BANK1: variants seen among roughly 807,000 people sequenced by gnomAD.
BANK1 encodes B-cell scaffold protein with ankyrin repeats.
Under a neutral mutation model 94.5 loss-of-function variants are expected in BANK1, and 95 were observed. That is an observed-to-expected ratio of 1.00 (90% CI 0.85 to 1.19). BANK1 has a LOEUF of 1.19. Ranked by LOEUF, BANK1 falls within the 50% of genes most tolerant of loss-of-function variation. The pLI is 0.00. For synonymous variants in BANK1, 334 were observed against 308.4 expected (o/e 1.08, Z -0.87); for missense variants, 987 against 932.2 (o/e 1.06, Z -0.77).
At chr4:102,039,433 A>G (rs987252186) in intron 10 of BANK1, among the ~76,000 whole-genome samples, 1 of 152,058 alleles carries the variant, frequency 6.6e-6, no homozygotes, top group African/African-American at 2.4e-5. Flanking sequence ...TGTTTCCTGT[A>G]TTTGCTGGCT....
intron 6 of BANK1, among the ~76,000 whole-genome samples, chr4:101,900,771 T>G (rs1020636331): frequency 6.6e-6 from 1 of 152,210 alleles, no homozygotes; most frequent in Non-Finnish European, 1.5e-5. Context: ...GCTATGTTAA[T>G]TAAAAGATAA....
At chr4:101,948,578 T>G (rs947975500) in intron 7 of BANK1, among the ~76,000 whole-genome samples, 5 of 152,118 alleles carry the variant, frequency 3.3e-5, no homozygotes, top group African/African-American at 1.2e-4. Flanking sequence ...TTTTATATTT[T>G]CTCCCCACCC....
chr4:102,047,531 C>T (rs1362742443), intron 11 of BANK1, among the ~76,000 whole-genome samples: 1 of 152,072 alleles, frequency 6.6e-6, no homozygotes, highest in Non-Finnish European at 1.5e-5. Context: ...AGGATCAGAA[C>T]AGCTACGAAA....
At chr4:101,928,202 G>A (rs572534778) in intron 7 of BANK1, among the ~76,000 whole-genome samples, 2 of 151,640 alleles carry the variant, frequency 1.3e-5, no homozygotes, top group South Asian at 4.2e-4. Flanking sequence ...GATACTTTGG[G>A]GACAATTCTG....
intron 5 of BANK1, among the ~76,000 whole-genome samples, chr4:101,884,310 C>G (rs1307225519): frequency 6.6e-6 from 1 of 152,138 alleles, no homozygotes; most frequent in Non-Finnish European, 1.5e-5. Flanking sequence ...CTTGAGTTTT[C>G]AGCAGCAATT....
chr4:101,890,752 A>AT (rs565207577), intron 5 of BANK1, among the ~76,000 whole-genome samples: 84 of 132,904 alleles, frequency 6.3e-4, no homozygotes, highest in African/African-American at 1.2e-3. Context: ...TGTGTTACTT[A>AT]TTTTTTTTTT....
At chr4:101,797,725 G>A (rs969920296) in intron 1 of BANK1, among the ~76,000 whole-genome samples, 1 of 152,144 alleles carries the variant, frequency 6.6e-6, no homozygotes, top group African/African-American at 2.4e-5. Flanking sequence ...GACACCGGGA[G>A]GGCATGAGAG....
At chr4:102,049,997 G>A (rs1727995158) in intron 11 of BANK1, among the ~76,000 whole-genome samples, 1 of 152,152 alleles carries the variant, frequency 6.6e-6, no homozygotes, top group Non-Finnish European at 1.5e-5. Flanking sequence ...CCCACCCCAA[G>A]GAAAAACCAA....
intron 5 of BANK1, among the ~76,000 whole-genome samples, chr4:101,890,779 A>G (rs987573208): frequency 2.8e-5 from 4 of 143,476 alleles, no homozygotes; most frequent in African/African-American, 1.0e-4. Context: ...ATTCACTTTG[A>G]TGTATCTCTT....
At chr4:101,921,391 G>A (rs1722991789) in intron 7 of BANK1, among the ~76,000 whole-genome samples, 2 of 151,884 alleles carry the variant, frequency 1.3e-5, no homozygotes, top group Admixed American at 1.3e-4. Flanking sequence ...AGTAAATAGT[G>A]ACATTGATGA....
chr4:101,827,900 T>G (rs1220860861), intron 1 of BANK1, among the ~76,000 whole-genome samples: 1 of 151,954 alleles, frequency 6.6e-6, no homozygotes, highest in Non-Finnish European at 1.5e-5. Flanking sequence ...ATTTCTTGAT[T>G]TACTAATTTT....
intron 7 of BANK1, among the ~76,000 whole-genome samples, chr4:101,958,454 G>T (rs1724444155): frequency 7.5e-6 from 1 of 133,492 alleles, no homozygotes; most frequent in Non-Finnish European, 1.6e-5. Flanking sequence ...TTTGCAGACT[G>T]CCCCCCATGC....
intron 1 of BANK1, 40 bp downstream of exon 1, chr4:101,790,990 CGGG>C: frequency 6.9e-7 from 1 of 1,440,286 alleles, no homozygotes; most frequent in Non-Finnish European, 9.2e-7. Context: ...ACGCCGAGGC[CGGG>C]CTACGGGGCT....
intron 1 of BANK1, among the ~76,000 whole-genome samples, chr4:101,822,384 T>G (rs1188357933): frequency 6.6e-6 from 1 of 151,668 alleles, no homozygotes; most frequent in Non-Finnish European, 1.5e-5. Context: ...AAAAAGGCAC[T>G]TAAGAGACTG....
intron 11 of BANK1, among the ~76,000 whole-genome samples, chr4:102,047,085 T>C (rs1727902213): frequency 6.6e-6 from 1 of 152,176 alleles, no homozygotes; most frequent in African/African-American, 2.4e-5. Flanking sequence ...ATTGTGAAGA[T>C]GGCTGGGAAT....
At chr4:101,803,930 G>A (rs1379364428) in intron 1 of BANK1, among the ~76,000 whole-genome samples, 1 of 142,510 alleles carries the variant, frequency 7.0e-6, no homozygotes, top group East Asian at 2.0e-4. Flanking sequence ...CCCGGGAAGC[G>A]GAGCTTGCAG....
chr4:101,842,355 C>T (rs1727079805), intron 2 of BANK1, among the ~76,000 whole-genome samples: 2 of 152,152 alleles, frequency 1.3e-5, no homozygotes, highest in Admixed American at 1.3e-4. Flanking sequence ...AAATTAATTT[C>T]TAACATTCAT....
intron 1 of BANK1, among the ~76,000 whole-genome samples, chr4:101,791,707 G>C (rs1410027866): frequency 6.6e-6 from 1 of 152,166 alleles, no homozygotes; most frequent in Non-Finnish European, 1.5e-5. Flanking sequence ...AGTATATTCT[G>C]AGTGAAAGTT....
chr4:101,867,671 C>A (rs1307673971), intron 4 of BANK1, among the ~76,000 whole-genome samples: 1 of 151,556 alleles, frequency 6.6e-6, no homozygotes, highest in Non-Finnish European at 1.5e-5. Flanking sequence ...ATGTATATTT[C>A]AAACTCTAGG....
Sources: allele counts gnomAD v4.1 joint callset (sites outside exome capture counted in the v4.1 genomes callset), GRCh38; gene constraint gnomAD v4.1.1; transcripts MANE v1.5; gene names NCBI Gene and HGNC (gene_info 2026-07-23, HGNC 2026-07-21).